The following TMPRSS15 variants were observed in gnomAD, a reference collection of about 807,000 sequenced individuals.
TMPRSS15 encodes the protein transmembrane serine protease 15, also known as enteropeptidase.
In TMPRSS15, 128 loss-of-function variants were observed where a neutral mutation model predicts 125.3. That is an observed-to-expected ratio of 1.02 (90% CI 0.89 to 1.18). TMPRSS15 has a LOEUF of 1.18. Among genes scored for constraint, TMPRSS15 ranks in the 50% most tolerant of loss-of-function variants. TMPRSS15 has a pLI of 0.00. For synonymous variants in TMPRSS15, 446 were observed against 423.2 expected (o/e 1.05, Z -0.66); for missense variants, 1,283 against 1,212.7 (o/e 1.06, Z -0.86).
chr21:18,339,531 A>G (rs764519950), intron 13 of TMPRSS15, among the ~76,000 whole-genome samples: 3 of 152,174 alleles, frequency 2.0e-5, no homozygotes, highest in Non-Finnish European at 4.4e-5. Context: ...TAATTTGGTA[A>G]AAGTATTAAG....
upstream of TMPRSS15, among the ~76,000 whole-genome samples, chr21:18,404,064 A>T (rs1027920233): frequency 6.6e-6 from 1 of 152,194 alleles, no homozygotes; most frequent in Non-Finnish European, 1.5e-5. Context: ...CTACCCTCTG[A>T]CTCAGATGAT....
At chr21:18,442,214 T>C (rs1311344756) in intron 1 of TMPRSS15, among the ~76,000 whole-genome samples, 1 of 152,222 alleles carries the variant, frequency 6.6e-6, no homozygotes, top group African/African-American at 2.4e-5. Flanking sequence ...TTTAAAAATA[T>C]CCTGTATTTC....
At chr21:18,437,420 G>T (rs1468955718) in intron 1 of TMPRSS15, among the ~76,000 whole-genome samples, 1 of 152,072 alleles carries the variant, frequency 6.6e-6, no homozygotes, top group Non-Finnish European at 1.5e-5. Context: ...CATGGGCAAG[G>T]ACTTCATGTC....
chr21:18,285,822 G>A (rs1055147946), intron 21 of TMPRSS15, among the ~76,000 whole-genome samples: 1 of 152,148 alleles, frequency 6.6e-6, no homozygotes, highest in African/African-American at 2.4e-5. Context: ...AAACTCAAAA[G>A]AGAAAAGTTA....
At chr21:18,298,910 T>C (rs1472772331) in intron 18 of TMPRSS15, among the ~76,000 whole-genome samples, 5 of 152,230 alleles carry the variant, frequency 3.3e-5, no homozygotes, top group Admixed American at 6.5e-5. Flanking sequence ...ACGAACTATT[T>C]AGAAAGTGGT....
chr21:18,476,441 A>G (rs1295404634), intron 1 of TMPRSS15, among the ~76,000 whole-genome samples: 1 of 152,164 alleles, frequency 6.6e-6, no homozygotes, highest in Non-Finnish European at 1.5e-5. Flanking sequence ...GAACTATAAT[A>G]TTAAAAAGAG....
chr21:18,296,901 C>T (rs2074914145), intron 19 of TMPRSS15, among the ~76,000 whole-genome samples: 1 of 152,038 alleles, frequency 6.6e-6, no homozygotes, highest in African/African-American at 2.4e-5. Context: ...TATTTTTTTA[C>T]TGGTTAAGCT....
chr21:18,271,224 A>AATT (rs1348011055), intron 24 of TMPRSS15, among the ~76,000 whole-genome samples: 1 of 152,222 alleles, frequency 6.6e-6, no homozygotes, highest in African/African-American at 2.4e-5. Flanking sequence ...CTTAATCTGT[A>AATT]ATTATAGGTT....
intron 5 of TMPRSS15, among the ~76,000 whole-genome samples, chr21:18,377,784 C>T (rs1157538064): frequency 6.6e-6 from 1 of 152,108 alleles, no homozygotes; most frequent in African/African-American, 2.4e-5. Flanking sequence ...GATTTCTGCT[C>T]CACTCATCAG....
At chr21:18,272,716 A>ACTC (rs1444567683) in intron 24 of TMPRSS15, among the ~76,000 whole-genome samples, 2 of 151,972 alleles carry the variant, frequency 1.3e-5, no homozygotes, top group Non-Finnish European at 2.9e-5. Context: ...TAAGAGCAAA[A>ACTC]CTCTGACTCA....
chr21:18,475,113 G>T (rs969033286), intron 1 of TMPRSS15, among the ~76,000 whole-genome samples: 2 of 152,154 alleles, frequency 1.3e-5, no homozygotes, highest in Middle Eastern at 6.8e-3. Context: ...TTCCAATAGA[G>T]GCTGTAAATT....
intron 21 of TMPRSS15, among the ~76,000 whole-genome samples, chr21:18,292,605 C>G (rs957575619): frequency 1.3e-5 from 2 of 152,168 alleles, no homozygotes; most frequent in Non-Finnish European, 2.9e-5. Flanking sequence ...GATGTTTAGA[C>G]AGCATATGTT....
chr21:18,353,628 A>T, intron 9 of TMPRSS15, 95 bp downstream of exon 9: 1 of 1,130,914 alleles, frequency 8.8e-7, no homozygotes, highest in Non-Finnish European at 1.3e-6. Flanking sequence ...TTATAAAATT[A>T]CATCATGAAA....
chr21:18,442,189 T>C (rs566319725), intron 1 of TMPRSS15, among the ~76,000 whole-genome samples: 1 of 152,356 alleles, frequency 6.6e-6, no homozygotes, highest in South Asian at 2.1e-4. Context: ...TTGAGTCTTA[T>C]TTTGATTAAT....
chr21:18,325,874 C>G (rs760521677), intron 16 of TMPRSS15, among the ~76,000 whole-genome samples: 16 of 151,668 alleles, frequency 1.1e-4, no homozygotes, highest in Admixed American at 5.9e-4. Flanking sequence ...GATGAACATG[C>G]CGCTATTTTG....
intron 12 of TMPRSS15, among the ~76,000 whole-genome samples, 177 bp downstream of exon 12, chr21:18,343,329 C>T (rs1450782855): frequency 6.6e-6 from 1 of 151,928 alleles, no homozygotes; most frequent in Non-Finnish European, 1.5e-5. Context: ...TTTTAATAGG[C>T]TATTGAATAA....
intron 1 of TMPRSS15, among the ~76,000 whole-genome samples, chr21:18,427,257 TGCCAACAGA>T (rs931247903): frequency 3.9e-5 from 6 of 152,226 alleles, no homozygotes; most frequent in African/African-American, 1.4e-4. Context: ...CCTTGCTCTT[TGCCAACAGA>T]GCCCCAGTTT....
chr21:18,330,738 T>C (rs1391103858), intron 14 of TMPRSS15, among the ~76,000 whole-genome samples: 1 of 152,184 alleles, frequency 6.6e-6, no homozygotes, highest in African/African-American at 2.4e-5. Context: ...CCACTTCTTG[T>C]TGGATTTTTC....
intron 21 of TMPRSS15, among the ~76,000 whole-genome samples, chr21:18,290,243 A>T (rs543402543): frequency 1.6e-4 from 24 of 152,324 alleles, no homozygotes; most frequent in African/African-American, 5.3e-4. Context: ...TAGGTATATA[A>T]TAGAGCTTTG....
Sources: gnomAD v4.1 joint callset for allele counts (sites outside exome capture counted in the v4.1 genomes callset) on GRCh38, gnomAD v4.1.1 for gene constraint, MANE v1.5 for transcripts, NCBI Gene and HGNC (gene_info 2026-07-23, HGNC 2026-07-21) for gene names.